RBFOX1: variants seen among roughly 807,000 people sequenced by gnomAD.
RBFOX1 encodes RNA binding fox-1 homolog 1.
RBFOX1 carries 8 observed loss-of-function variants against 57.7 expected under a neutral mutation model. The ratio of observed to expected loss-of-function variants is 0.14; its 90% CI spans 0.08 to 0.25. The LOEUF is 0.25. Among genes scored for constraint, RBFOX1 ranks in the 10% least tolerant of loss-of-function variants. The pLI is 1.00. For missense variants in RBFOX1, 611 were observed against 548.5 expected (o/e 1.11, Z -1.14); for synonymous variants, 326 against 222.4 (o/e 1.47, Z -4.15).
At chr16:7,474,163 T>C (rs757075207) in intron 4 of RBFOX1, among the ~76,000 whole-genome samples, 3 of 152,158 alleles carry the variant, frequency 2.0e-5, no homozygotes, top group African/African-American at 7.2e-5. Context: ...GGCGCATGCC[T>C]GTAGTTCCAG....
chr16:5,806,037 G>C (rs978368327), intron 3 of RBFOX1, among the ~76,000 whole-genome samples: 6 of 152,104 alleles, frequency 3.9e-5, no homozygotes, highest in African/African-American at 1.4e-4. Flanking sequence ...TTCCCATTGG[G>C]AGTGAGGAAA....
At chr16:7,128,089 C>A (rs943516265) in intron 4 of RBFOX1, among the ~76,000 whole-genome samples, 1 of 152,170 alleles carries the variant, frequency 6.6e-6, no homozygotes, top group Non-Finnish European at 1.5e-5. Flanking sequence ...TCAAGTGATG[C>A]AGCAGCTCCA....
chr16:7,172,730 A>T (rs1380066654), intron 4 of RBFOX1, among the ~76,000 whole-genome samples: 3 of 152,190 alleles, frequency 2.0e-5, no homozygotes, highest in Non-Finnish European at 4.4e-5. Context: ...GTTCACCTAC[A>T]TGGGGGCTCA....
chr16:6,317,249 G>C (rs2081223477), intron 2 of RBFOX1, among the ~76,000 whole-genome samples, 192 bp downstream of exon 2: 1 of 152,108 alleles, frequency 6.6e-6, no homozygotes, highest in African/African-American at 2.4e-5. Flanking sequence ...CCCTCCTTTA[G>C]CCCTCCCTCC....
At chr16:7,247,270 A>G (rs112970148) in intron 4 of RBFOX1, among the ~76,000 whole-genome samples, 48 of 152,266 alleles carry the variant, frequency 3.2e-4, no homozygotes, top group Admixed American at 1.4e-3. Context: ...CTTTAACCGC[A>G]TCACACTCGC....
chr16:6,518,872 G>A (rs1043549165), intron 2 of RBFOX1, among the ~76,000 whole-genome samples: 4 of 150,966 alleles, frequency 2.6e-5, no homozygotes, highest in African/African-American at 4.9e-5. Flanking sequence ...AGTAGCAAAC[G>A]TGCCCCGTTC....
intron 2 of RBFOX1, among the ~76,000 whole-genome samples, chr16:6,541,402 G>A (rs1197982835): frequency 2.6e-5 from 4 of 152,216 alleles, no homozygotes; most frequent in Non-Finnish European, 5.9e-5. Context: ...GCAGTGAGCA[G>A]CACTGGACAG....
intron 1 of RBFOX1, among the ~76,000 whole-genome samples, chr16:6,099,664 G>A (rs1036140639): frequency 6.6e-6 from 1 of 152,158 alleles, no homozygotes; most frequent in Non-Finnish European, 1.5e-5. Context: ...AGTACATTTT[G>A]TGACTGTCAC....
intron 1 of RBFOX1, among the ~76,000 whole-genome samples, chr16:6,292,419 A>C (rs1211399451): frequency 1.3e-5 from 2 of 151,596 alleles, no homozygotes; most frequent in Non-Finnish European, 2.9e-5. Flanking sequence ...TTTTTCTCAG[A>C]CAAAAGTAGT....
chr16:5,386,078 C>A (rs891091775), intron 1 of RBFOX1, among the ~76,000 whole-genome samples: 2 of 150,604 alleles, frequency 1.3e-5, no homozygotes, highest in Non-Finnish European at 2.9e-5. Flanking sequence ...AATTTATAAT[C>A]CTGTTTTGAA....
chr16:5,464,752 C>T (rs1457359714), intron 1 of RBFOX1, among the ~76,000 whole-genome samples: 1 of 152,138 alleles, frequency 6.6e-6, no homozygotes, highest in Non-Finnish European at 1.5e-5. Flanking sequence ...ATGTGGTGAG[C>T]TTTGGGTGCG....
intron 3 of RBFOX1, among the ~76,000 whole-genome samples, chr16:6,874,802 A>G (rs546253557): frequency 2.0e-4 from 30 of 152,294 alleles, no homozygotes; most frequent in African/African-American, 6.7e-4. Context: ...GGTGAGGGAT[A>G]AAAGACTACA....
chr16:7,092,315 A>T (rs1201708438), intron 4 of RBFOX1, among the ~76,000 whole-genome samples: 4 of 152,224 alleles, frequency 2.6e-5, no homozygotes, highest in Non-Finnish European at 5.9e-5. Context: ...ATTGTAAAAC[A>T]CATCTCCATT....
chr16:6,996,171 A>G (rs1449765595), intron 3 of RBFOX1, among the ~76,000 whole-genome samples: 1 of 152,226 alleles, frequency 6.6e-6, no homozygotes, highest in Non-Finnish European at 1.5e-5. Context: ...ATAACATGGC[A>G]GTTCCCGATA....
At chr16:6,608,388 T>C (rs997927836) in intron 2 of RBFOX1, among the ~76,000 whole-genome samples, 2 of 152,216 alleles carry the variant, frequency 1.3e-5, no homozygotes, top group African/African-American at 4.8e-5. Flanking sequence ...TTTGTTTATA[T>C]GTTTATACAC....
chr16:7,520,437 C>G (rs2077291639), intron 5 of RBFOX1, among the ~76,000 whole-genome samples: 1 of 152,172 alleles, frequency 6.6e-6, no homozygotes. Context: ...TTCTCCCTCT[C>G]CCCGGCCCCT....
chr16:6,630,131 T>C lies in RBFOX1; in HGVS notation c.-63-24472T>C, dbSNP rs78579300. 1.0e-3 allele frequency among the ~76,000 whole-genome samples: 154 copies of C among 152,258 alleles called. 5 individuals are homozygous for C. In the East Asian group the frequency reaches 0.03, roughly 30 times the overall value. ...TTCTGTGCTTGACATCTCATTATTT[T>C]ACTCAGCTACTTCAGCATCACCTTC... On this transcript the variant is annotated intron_variant, in intron 2 of 15. Coordinates refer to ENST00000550418, the MANE Select transcript of RBFOX1 (RefSeq NM_018723.4).
At chr16:6,612,168 T>C (rs980259557) in intron 2 of RBFOX1, among the ~76,000 whole-genome samples, 7 of 152,168 alleles carry the variant, frequency 4.6e-5, no homozygotes, top group African/African-American at 1.7e-4. Flanking sequence ...TTTCTGTTTG[T>C]TTAATTATTT....
In RBFOX1 at chr16:7,507,561, CTTTCTTTTT is replaced by C. The variant is rs1489313402; in HGVS notation, c.28-10582_28-10574del. Among the ~76,000 whole-genome samples, 322 of 122,940 alleles carry C rather than the reference CTTTCTTTTT, an allele frequency of 2.6e-3. 14 individuals carry two copies. Among genetic ancestry groups the C allele is most frequent in the Middle Eastern group, 0.018 (3 of 164 alleles). 80.7% of individuals were successfully genotyped at this position (122,940 alleles called of 152,430 possible). On this transcript the variant is annotated intron_variant, in intron 4 of 15. Transcript: ENST00000550418. ...TTGGAACGTGATTTTTTTTTTCTTTCTTTCTTTTTTTTTTTTTTTTGAGACGGAGTCTTG... is the reference window on the plus strand; with the variant it reads ...TTGGAACGTGATTTTTTTTTTCTTTCTTTTTTTTTTTGAGACGGAGTCTTG...
Sources: allele counts gnomAD v4.1 joint callset (sites outside exome capture counted in the v4.1 genomes callset), GRCh38; gene constraint gnomAD v4.1.1; transcripts MANE v1.5; gene names NCBI Gene and HGNC (gene_info 2026-07-23, HGNC 2026-07-21).